The following NRF1 variants were observed in gnomAD, a reference collection of about 807,000 sequenced individuals.
NRF1 encodes the protein nuclear respiratory factor 1, also known as alpha palindromic-binding protein.
A neutral mutation model predicts 58.5 loss-of-function variants in NRF1; 5 were observed. The observed-to-expected ratio is 0.09, with a 90% CI of 0.04 to 0.18. NRF1 has a LOEUF of 0.18. NRF1 is among the 10% of genes least tolerant of loss of function. NRF1 has a pLI of 1.00. For missense variants in NRF1, 288 were observed against 657.7 expected, an observed-to-expected ratio of 0.44 and a Z score of 6.15; for synonymous variants, 224 against 246.7, an observed-to-expected ratio of 0.91 and a Z score of 0.86.
chr7:129,755,055 G>A lies in NRF1; in HGVS notation c.1386G>A (p.Val462=), dbSNP rs202039810. The A allele has an allele frequency of 1.0e-4, 161 of 1,613,692 alleles. No individual in the cohort carries two copies. The highest frequency in any genetic ancestry group is 9.2e-4 in the Admixed American group (55 of 59,938). The part of the protein sequence containing the change: ...VQIPVSMYQT[V]VTSLAQGNGP... ...TCCCTGTGAGCATGTACCAGACTGT[G>A]GTGACCAGCCTCGCCCAGGGCAACG... The change falls in exon 11 of 11, where the codon GTG becomes GTA. Residue 462 remains valine (V), a synonymous_variant. Coordinates refer to ENST00000393232, the MANE Select transcript of NRF1 (RefSeq NM_005011.5). This position sits in a 1 kb window ranked among gnomAD's most constrained non-coding sequence, Gnocchi z 5.8.
At chr7:129,657,740 G>A (rs544785650) in intron 2 of NRF1, among the ~76,000 whole-genome samples, 166 bp downstream of exon 2, 2 of 151,788 alleles carry the variant, frequency 1.3e-5, no homozygotes, top group Non-Finnish European at 2.9e-5. Flanking sequence ...CTCTGGAGTA[G>A]CTGGGACTGC....
intron 1 of NRF1, among the ~76,000 whole-genome samples, chr7:129,619,417 T>TAC: frequency 2.1e-5 from 2 of 96,608 alleles, no homozygotes; most frequent in African/African-American, 1.1e-4. Context: ...TATATATATA[T>TAC]ATATATATAT....
At chr7:129,731,611 CTTG>C (rs999292886) in intron 10 of NRF1, among the ~76,000 whole-genome samples, 20 of 149,822 alleles carry the variant, frequency 1.3e-4, no homozygotes, top group African/African-American at 4.4e-4. Flanking sequence ...CCTTCCTTTA[CTTG>C]TTTGTTTGTT....
At chr7:129,729,121 C>T (rs913165684) in intron 10 of NRF1, among the ~76,000 whole-genome samples, 2 of 152,166 alleles carry the variant, frequency 1.3e-5, no homozygotes, top group Non-Finnish European at 2.9e-5. Context: ...CATGTGGGTT[C>T]AGTAGGAAAC....
At chr7:129,723,850 G>A (rs1803390328) in intron 9 of NRF1, among the ~76,000 whole-genome samples, 1 of 152,186 alleles carries the variant, frequency 6.6e-6, no homozygotes, top group African/African-American at 2.4e-5. Context: ...AGTGTGAGTG[G>A]TGGTGCTGGG....
intron 10 of NRF1, among the ~76,000 whole-genome samples, chr7:129,729,757 T>C (rs1803535480): frequency 6.6e-6 from 1 of 152,350 alleles, no homozygotes; most frequent in South Asian, 2.1e-4. Flanking sequence ...AATTTTGATA[T>C]CTGGCTAGAC....
chr7:129,675,757 T>C (rs1400756765), intron 3 of NRF1, among the ~76,000 whole-genome samples: 1 of 152,228 alleles, frequency 6.6e-6, no homozygotes, highest in Admixed American at 6.5e-5. Flanking sequence ...CAGGTTTTAT[T>C]GTTCTATTTA....
chr7:129,750,070 TGA>T (rs1196656577), intron 10 of NRF1, among the ~76,000 whole-genome samples: 2 of 151,746 alleles, frequency 1.3e-5, no homozygotes, highest in East Asian at 3.9e-4. Flanking sequence ...GCAGCGGGGG[TGA>T]GAGGGCTCAG....
At chr7:129,703,263 TGA>T (rs1802875921) in intron 5 of NRF1, among the ~76,000 whole-genome samples, 1 of 152,142 alleles carries the variant, frequency 6.6e-6, no homozygotes, top group Non-Finnish European at 1.5e-5. Flanking sequence ...TAAATCAGAA[TGA>T]GAGTCCAGGA....
At chr7:129,748,274 C>CAAAAAAA (rs10655886) in intron 10 of NRF1, among the ~76,000 whole-genome samples, 4 of 78,022 alleles carry the variant, frequency 5.1e-5, no homozygotes, top group Non-Finnish European at 7.0e-5. Context: ...GACTCCGTCT[C>CAAAAAAA]AAAAAAAAAA....
intron 1 of NRF1, among the ~76,000 whole-genome samples, chr7:129,632,283 T>C (rs925722361): frequency 2.6e-5 from 4 of 151,966 alleles, no homozygotes; most frequent in African/African-American, 9.7e-5. Flanking sequence ...CTTAAAAGAA[T>C]TTTCTTATTA....
chr7:129,682,179 G>C (rs559991179), intron 4 of NRF1, among the ~76,000 whole-genome samples: 62 of 151,978 alleles, frequency 4.1e-4, no homozygotes, highest in African/African-American at 1.3e-3. Context: ...ACCCACCATG[G>C]GGGGGCATGG....
intron 1 of NRF1, among the ~76,000 whole-genome samples, chr7:129,636,763 G>A (rs1333921144): frequency 2.0e-5 from 3 of 152,020 alleles, no homozygotes; most frequent in Non-Finnish European, 2.9e-5. Context: ...GTGTTGCTTC[G>A]ATAGATACGT....
intron 3 of NRF1, among the ~76,000 whole-genome samples, chr7:129,671,828 T>A (rs754996099): frequency 1.8e-4 from 28 of 152,124 alleles, no homozygotes; most frequent in Admixed American, 6.6e-5. Context: ...ACAAATTGCC[T>A]TAAAGAGCTT....
At position 129,657,466 on chromosome 7, in the gene NRF1, A is replaced by G. The variant is rs1219385456; in HGVS notation, c.115A>G (p.Ser39Gly). The change falls in exon 2 of 11, where the codon AGT (serine) becomes GGT (glycine). Residue 39 changes from serine to glycine, a missense_variant. By Grantham distance (56) the Ser-to-Gly change is moderately conservative (BLOSUM62 0). Transcript: ENST00000393232. The part of the protein sequence containing the change: ...VATYTEHSML[S>G]ADEDSPSSPE... Reference sequence around the variant, plus strand: ...TACTTACACCGAGCATAGTATGCTGAGTGCTGATGAAGACTCGCCTTCTTC... The same window carrying G: ...TACTTACACCGAGCATAGTATGCTGGGTGCTGATGAAGACTCGCCTTCTTC... 2.5e-6 allele frequency: 4 copies of G among 1,613,934 alleles called. No individual in the cohort carries two copies. In the Admixed American group the frequency reaches 5.0e-5, roughly 20 times the overall value.
intron 2 of NRF1, among the ~76,000 whole-genome samples, chr7:129,664,036 A>C (rs905394855): frequency 5.3e-5 from 8 of 151,728 alleles, no homozygotes; most frequent in Non-Finnish European, 1.0e-4. Context: ...GAGGCAGGAG[A>C]ATCACCGGAG....
intron 4 of NRF1, 125 bp downstream of exon 4, chr7:129,677,883 G>A: frequency 8.7e-7 from 1 of 1,153,510 alleles, no homozygotes; most frequent in Non-Finnish European, 1.2e-6. Context: ...CATGGGAGTG[G>A]GGACTAGTTT....
intron 10 of NRF1, among the ~76,000 whole-genome samples, chr7:129,739,821 AG>A (rs1803805924): frequency 2.0e-5 from 3 of 152,182 alleles, no homozygotes; most frequent in Admixed American, 1.3e-4. Context: ...GATTTATAGT[AG>A]CCCGCCAAAA....
intron 8 of NRF1, among the ~76,000 whole-genome samples, chr7:129,712,949 T>C (rs1423034947): frequency 3.3e-5 from 5 of 152,126 alleles, no homozygotes; most frequent in Middle Eastern, 3.2e-3. Context: ...GATGTGTTAG[T>C]TTTTGGCTTA....
Sources: gnomAD v4.1 joint callset for allele counts (sites outside exome capture counted in the v4.1 genomes callset) on GRCh38, gnomAD v4.1.1 for gene constraint, Gnocchi (gnomAD v3.1) non-coding constraint, MANE v1.5 for transcripts, NCBI Gene and HGNC (gene_info 2026-07-23, HGNC 2026-07-21) for gene names.